Variants in SLC9A9 observed in about 807,000 individuals in gnomAD.
SLC9A9 encodes the protein sodium/hydrogen exchanger 9.
Under a neutral mutation model 77.8 loss-of-function variants are expected in SLC9A9, and 62 were observed. The observed-to-expected ratio is 0.80, with a 90% CI of 0.65 to 0.98. The LOEUF is 0.98. SLC9A9 is among the 50% of genes least tolerant of loss of function. The probability of loss-of-function intolerance (pLI) is 0.00; values close to 1 mark genes in which losing one functional copy is unlikely to be tolerated. For synonymous variants in SLC9A9, 320 were observed against 283.5 expected, an observed-to-expected ratio of 1.13 and a Z score of -1.29; for missense variants, 775 against 774.9, an observed-to-expected ratio of 1.00 and a Z score of 0.00.
At chr3:143,297,161 A>G (rs1324613909) in intron 14 of SLC9A9, among the ~76,000 whole-genome samples, 1 of 152,222 alleles carries the variant, frequency 6.6e-6, no homozygotes. Flanking sequence ...TCAGGTCTGA[A>G]TTTAAATCTT....
intron 2 of SLC9A9, among the ~76,000 whole-genome samples, chr3:143,829,579 A>G (rs1050657781): frequency 2.6e-5 from 4 of 152,234 alleles, no homozygotes; most frequent in Non-Finnish European, 5.9e-5. Context: ...GATACAATTT[A>G]GGACTGAATT....
intron 11 of SLC9A9, among the ~76,000 whole-genome samples, chr3:143,471,555 A>T (rs1242880943): frequency 6.6e-6 from 1 of 152,198 alleles, no homozygotes; most frequent in Non-Finnish European, 1.5e-5. Flanking sequence ...AAAAACACAC[A>T]CCATTTCTCT....
chr3:143,417,292 T>G (rs575372515), intron 12 of SLC9A9, among the ~76,000 whole-genome samples: 1 of 152,194 alleles, frequency 6.6e-6, no homozygotes, highest in Admixed American at 6.5e-5. Flanking sequence ...ATGCCCCTAC[T>G]ATGGACTGAA....
At chr3:143,543,210 A>C (rs545079278) in intron 9 of SLC9A9, among the ~76,000 whole-genome samples, 71 of 152,318 alleles carry the variant, frequency 4.7e-4, no homozygotes, top group African/African-American at 1.5e-3. Context: ...ATACTGGGAC[A>C]GTAAAATGTT....
At chr3:143,424,227 T>C (rs946732836) in intron 12 of SLC9A9, among the ~76,000 whole-genome samples, 1 of 151,788 alleles carries the variant, frequency 6.6e-6, no homozygotes, top group Non-Finnish European at 1.5e-5. Flanking sequence ...AGTGAACAAC[T>C]TACTGTGAAA....
At chr3:143,810,885 A>C (rs16854362) in intron 2 of SLC9A9, among the ~76,000 whole-genome samples, 2,797 of 152,334 alleles carry the variant, frequency 0.018, 118 homozygotes, top group East Asian at 0.17. Flanking sequence ...GTATAATTGC[A>C]TCTAAGGTGC....
chr3:143,789,187 T>C (rs2108853466), intron 4 of SLC9A9, among the ~76,000 whole-genome samples: 1 of 152,318 alleles, frequency 6.6e-6, no homozygotes, highest in East Asian at 1.9e-4. Context: ...CAGTACATGG[T>C]AAAATCATAG....
chr3:143,560,729 C>CAAA (rs11431519), intron 8 of SLC9A9, among the ~76,000 whole-genome samples: 31,840 of 148,448 alleles, frequency 0.21, 3,353 homozygotes, highest in African/African-American at 0.23. Flanking sequence ...CTTTTTCCTT[C>CAAA]AAAAAAAAAA....
chr3:143,728,111 A>C (rs1424287286), intron 4 of SLC9A9, among the ~76,000 whole-genome samples: 1 of 152,200 alleles, frequency 6.6e-6, no homozygotes, highest in African/African-American at 2.4e-5. Context: ...TGATAACCAC[A>C]TTTCTAAGGA....
chr3:143,687,990 C>T (rs1933328395), intron 5 of SLC9A9, among the ~76,000 whole-genome samples: 1 of 151,638 alleles, frequency 6.6e-6, no homozygotes, highest in African/African-American at 2.4e-5. Context: ...CCCTCTCTTC[C>T]TTCCCTCCTC....
chr3:143,762,312 C>T (rs1404767414), intron 4 of SLC9A9, among the ~76,000 whole-genome samples: 1 of 152,152 alleles, frequency 6.6e-6, no homozygotes, highest in Non-Finnish European at 1.5e-5. Flanking sequence ...GCACGTTGTG[C>T]ACATGTACCC....
intron 4 of SLC9A9, among the ~76,000 whole-genome samples, chr3:143,742,267 C>T (rs1262751608): frequency 6.6e-6 from 1 of 152,138 alleles, no homozygotes; most frequent in Non-Finnish European, 1.5e-5. Context: ...TCACTGGCTT[C>T]CCCCAACCCA....
chr3:143,462,765 A>C (rs1447769045), intron 12 of SLC9A9, among the ~76,000 whole-genome samples: 2 of 152,212 alleles, frequency 1.3e-5, no homozygotes, highest in African/African-American at 4.8e-5. Flanking sequence ...TGGTTTAAAA[A>C]GTACATTTCT....
At chr3:143,432,933 T>C (rs925169600) in intron 12 of SLC9A9, among the ~76,000 whole-genome samples, 1 of 152,244 alleles carries the variant, frequency 6.6e-6, no homozygotes, top group Non-Finnish European at 1.5e-5. Flanking sequence ...GCCTCTTGCC[T>C]GCATTTTATT....
chr3:143,749,819 A>G (rs1371700927), intron 4 of SLC9A9, among the ~76,000 whole-genome samples: 4 of 152,220 alleles, frequency 2.6e-5, no homozygotes, highest in African/African-American at 9.6e-5. Flanking sequence ...ATCTTTGTAC[A>G]CACTGAAGTT....
intron 8 of SLC9A9, 148 bp from the exon 9 acceptor site, chr3:143,552,598 T>G: frequency 1.5e-6 from 1 of 670,512 alleles, no homozygotes; most frequent in South Asian, 1.7e-5. Flanking sequence ...TAGGTAAATC[T>G]TGCACTTGCT....
intron 9 of SLC9A9, among the ~76,000 whole-genome samples, chr3:143,536,835 C>T (rs1028518433): frequency 2.0e-5 from 3 of 152,178 alleles, no homozygotes; most frequent in Non-Finnish European, 4.4e-5. Flanking sequence ...TTACAGGACT[C>T]CCCAAAGGGA....
intron 4 of SLC9A9, among the ~76,000 whole-genome samples, chr3:143,732,337 G>T (rs1266117141): frequency 6.6e-6 from 1 of 152,158 alleles, no homozygotes; most frequent in Non-Finnish European, 1.5e-5. Flanking sequence ...ATCTTACTTT[G>T]GGTTTAATCT....
Position 143,552,404 on chromosome 3 carries a change from G to A in SLC9A9, c.1047C>T (p.Thr349=). The change falls in exon 9 of 16, where the codon ACC becomes ACT. Residue 349 remains threonine (T), a synonymous_variant. Transcript: ENST00000316549. ...LFCGVTQAHY[T]YNNLSSDSKI... ...TGGAATCCGAAGACAGATTGTTGTA[G>A]GTATAATGTGCTTGTGTGACTCCAC... The A allele has an allele frequency of 1.9e-6, 3 of 1,613,004 alleles. No homozygotes were observed. Among genetic ancestry groups the A allele is most frequent in the Non-Finnish European group, 2.5e-6 (3 of 1,179,494 alleles).
Sources: allele counts gnomAD v4.1 joint callset (sites outside exome capture counted in the v4.1 genomes callset), GRCh38; gene constraint gnomAD v4.1.1; transcripts MANE v1.5; gene names NCBI Gene and HGNC (gene_info 2026-07-23, HGNC 2026-07-21).